CSMD3: variants seen among roughly 807,000 people sequenced by gnomAD.
The protein encoded by CSMD3 is CUB and Sushi multiple domains 3.
In CSMD3, 177 loss-of-function variants were observed where a neutral mutation model predicts 435.2. The ratio of observed to expected loss-of-function variants is 0.41; its 90% CI spans 0.36 to 0.46. The LOEUF is 0.46. Among genes scored for constraint, CSMD3 ranks in the 20% least tolerant of loss-of-function variants. The probability of loss-of-function intolerance (pLI) is 0.34; values close to 1 mark genes in which losing one functional copy is unlikely to be tolerated. For synonymous variants in CSMD3, 1,656 were observed against 1,520.5 expected (o/e 1.09, Z -2.07); for missense variants, 4,265 against 4,504.6 (o/e 0.95, Z 1.52).
intron 5 of CSMD3, among the ~76,000 whole-genome samples, chr8:113,070,985 C>A (rs2089087147): frequency 6.6e-6 from 1 of 151,932 alleles, no homozygotes; most frequent in South Asian, 2.1e-4. Flanking sequence ...CAATACTAAT[C>A]TTTTGTCCTT....
chr8:112,865,943 C>T (rs7818312), intron 10 of CSMD3, among the ~76,000 whole-genome samples: 5,027 of 152,130 alleles, frequency 0.033, 108 homozygotes, highest in Non-Finnish European at 0.042. Context: ...TTTTTTTCCC[C>T]TTTGGGCTTT....
intron 13 of CSMD3, among the ~76,000 whole-genome samples, chr8:112,691,896 G>T (rs2076145119): frequency 6.6e-6 from 1 of 152,000 alleles, no homozygotes; most frequent in South Asian, 2.1e-4. Flanking sequence ...TGCCTCCCAG[G>T]TTCAAGAGAT....
chr8:112,240,941 TG>T (rs1442637541), intron 66 of CSMD3, among the ~76,000 whole-genome samples: 13 of 152,170 alleles, frequency 8.5e-5, no homozygotes, highest in African/African-American at 2.6e-4. Flanking sequence ...TCTTCCTCCA[TG>T]ATAGTGAGGC....
chr8:113,248,516 T>A (rs1474469577), intron 3 of CSMD3, among the ~76,000 whole-genome samples: 1 of 129,290 alleles, frequency 7.7e-6, no homozygotes, highest in Admixed American at 7.8e-5. Flanking sequence ...TATATTTCCA[T>A]ATTATATATA....
chr8:112,324,233 T>A (rs914928052), intron 45 of CSMD3, among the ~76,000 whole-genome samples: 5 of 152,076 alleles, frequency 3.3e-5, no homozygotes, highest in African/African-American at 1.2e-4. Context: ...CTATCCCACA[T>A]CTTCATTTCT....
rs1815300301 is a variant in CSMD3 at position 112,443,792 on chromosome 8, T to G, written c.5395+28799A>C. 1.3e-5 allele frequency among the ~76,000 whole-genome samples: 2 copies of G among 152,056 alleles called. 1 individual carries two copies. Among genetic ancestry groups the G allele is most frequent in the Non-Finnish European group, 2.9e-5 (2 of 67,974 alleles). Reference sequence around the variant, plus strand: ...CAAAGGATGGCAAAATGCCTGGCCCTTAATATTAATAATAGTTACAATGCT... The same window carrying G: ...CAAAGGATGGCAAAATGCCTGGCCCGTAATATTAATAATAGTTACAATGCT... On this transcript the variant is annotated intron_variant, in intron 32 of 70. Coordinates refer to ENST00000297405, the MANE Select transcript of CSMD3 (RefSeq NM_198123.2).
intron 32 of CSMD3, among the ~76,000 whole-genome samples, chr8:112,432,186 T>G (rs1324949216): frequency 6.6e-6 from 1 of 152,154 alleles, no homozygotes; most frequent in Non-Finnish European, 1.5e-5. Flanking sequence ...TTAATAAATA[T>G]TTTCCTGTAA....
At chr8:112,562,817 C>T (rs1278915880) in intron 24 of CSMD3, among the ~76,000 whole-genome samples, 1 of 151,498 alleles carries the variant, frequency 6.6e-6, no homozygotes, top group African/African-American at 2.4e-5. Flanking sequence ...TCATTTATAT[C>T]AACTTTTATA....
intron 5 of CSMD3, among the ~76,000 whole-genome samples, chr8:113,094,779 T>G (rs2090111883): frequency 6.6e-6 from 1 of 152,002 alleles, no homozygotes; most frequent in Non-Finnish European, 1.5e-5. Context: ...TGTATTCAAT[T>G]ATCATATGTG....
At chr8:113,077,742 A>C (rs1477182951) in intron 5 of CSMD3, among the ~76,000 whole-genome samples, 1 of 152,118 alleles carries the variant, frequency 6.6e-6, no homozygotes, top group Non-Finnish European at 1.5e-5. Context: ...ATACACTTCC[A>C]ATTGAAGGAA....
intron 13 of CSMD3, among the ~76,000 whole-genome samples, chr8:112,738,628 A>G (rs1025898969): frequency 2.0e-5 from 3 of 151,686 alleles, no homozygotes; most frequent in Non-Finnish European, 3.0e-5. Context: ...CAATATAATC[A>G]TGCTATGCAA....
intron 64 of CSMD3, among the ~76,000 whole-genome samples, chr8:112,244,891 G>C (rs1442083976): frequency 1.3e-5 from 2 of 151,966 alleles, no homozygotes; most frequent in African/African-American, 4.8e-5. Context: ...ACACATTCCA[G>C]AGAGTCACAA....
chr8:113,371,085 T>C (rs371378988), intron 1 of CSMD3, among the ~76,000 whole-genome samples: 1 of 152,178 alleles, frequency 6.6e-6, no homozygotes, highest in African/African-American at 2.4e-5. Flanking sequence ...AAATTGTCCA[T>C]AGTTTTTGAA....
At chr8:113,330,596 T>C (rs1391861896) in intron 1 of CSMD3, among the ~76,000 whole-genome samples, 1 of 151,866 alleles carries the variant, frequency 6.6e-6, no homozygotes, top group Non-Finnish European at 1.5e-5. Flanking sequence ...AATAAAAGGA[T>C]GGCAAAATAT....
At chr8:112,843,334 T>C (rs983569258) in intron 11 of CSMD3, among the ~76,000 whole-genome samples, 5 of 151,924 alleles carry the variant, frequency 3.3e-5, no homozygotes, top group African/African-American at 1.2e-4. Context: ...AGCTCCCTTG[T>C]CTTTCTCACT....
chr8:112,766,119 A>G (rs1474905682), intron 13 of CSMD3, among the ~76,000 whole-genome samples: 1 of 151,688 alleles, frequency 6.6e-6, no homozygotes, highest in Non-Finnish European at 1.5e-5. Context: ...TCTACTCTCC[A>G]CAGGTGGAGA....
chr8:113,169,514 C>T (rs2092227849), intron 4 of CSMD3, among the ~76,000 whole-genome samples: 1 of 152,116 alleles, frequency 6.6e-6, no homozygotes, highest in African/African-American at 2.4e-5. Context: ...ATACTCAAAT[C>T]ATCAATACAA....
chr8:112,976,342 A>T (rs886270640), intron 6 of CSMD3, among the ~76,000 whole-genome samples, 194 bp from the exon 7 acceptor site: 10 of 152,130 alleles, frequency 6.6e-5, no homozygotes, highest in African/African-American at 2.4e-4. Context: ...CATCCTATGG[A>T]TAGATATACA....
chr8:112,638,376 T>G (rs2131587106), intron 21 of CSMD3, among the ~76,000 whole-genome samples: 1 of 151,212 alleles, frequency 6.6e-6, no homozygotes, highest in Non-Finnish European at 1.5e-5. Context: ...TTTTATTTTG[T>G]GTTTACTAGG....
Sources: gnomAD v4.1 joint callset for allele counts (sites outside exome capture counted in the v4.1 genomes callset) on GRCh38, gnomAD v4.1.1 for gene constraint, MANE v1.5 for transcripts, NCBI Gene and HGNC (gene_info 2026-07-23, HGNC 2026-07-21) for gene names.